The following PAPSS2 variants were observed in gnomAD, a reference collection of about 807,000 sequenced individuals.
PAPSS2 encodes the protein 3'-phosphoadenosine 5'-phosphosulfate synthase 2.
PAPSS2 carries 61 observed loss-of-function variants against 66.5 expected under a neutral mutation model. The ratio of observed to expected loss-of-function variants is 0.92; its 90% CI spans 0.75 to 1.14. The LOEUF (loss-of-function observed/expected upper bound fraction) is 1.14. PAPSS2 is among the 50% of genes most tolerant of loss of function. PAPSS2 has a pLI of 0.00. For synonymous variants in PAPSS2, 289 were observed against 287.5 expected (o/e 1.01, Z -0.05); for missense variants, 708 against 789.6 (o/e 0.90, Z 1.24).
At chr10:87,689,054 G>T (rs1447045739) in intron 1 of PAPSS2, among the ~76,000 whole-genome samples, 1 of 152,062 alleles carries the variant, frequency 6.6e-6, no homozygotes, top group African/African-American at 2.4e-5. Context: ...AGGGGTCAGG[G>T]CCGGGGCCAG....
At chr10:87,689,370 A>G (rs1292569479) in intron 1 of PAPSS2, among the ~76,000 whole-genome samples, 2 of 150,920 alleles carry the variant, frequency 1.3e-5, no homozygotes, top group African/African-American at 4.9e-5. Flanking sequence ...AAAAACCCAC[A>G]AAGAACTTGT....
chr10:87,719,499 C>T (rs1300987403), intron 7 of PAPSS2, among the ~76,000 whole-genome samples: 2 of 152,106 alleles, frequency 1.3e-5, no homozygotes, highest in South Asian at 4.1e-4. Context: ...GGCTCATGAC[C>T]GTAGTCCCAG....
chr10:87,661,583 A>T (rs1852753285), intron 1 of PAPSS2, among the ~76,000 whole-genome samples: 1 of 152,100 alleles, frequency 6.6e-6, no homozygotes. Flanking sequence ...TTTGTCAAGC[A>T]TTAGAAAGGG....
chr10:87,697,229 A>T (rs929164295), intron 1 of PAPSS2, among the ~76,000 whole-genome samples: 1 of 152,112 alleles, frequency 6.6e-6, no homozygotes, highest in East Asian at 1.9e-4. Context: ...CAAAAAACGA[A>T]CATGGTTATG....
intron 7 of PAPSS2, among the ~76,000 whole-genome samples, chr10:87,717,540 G>A (rs1416821639): frequency 6.6e-6 from 1 of 152,122 alleles, no homozygotes; most frequent in Non-Finnish European, 1.5e-5. Flanking sequence ...TATAGCTTTT[G>A]ATAGATTCTG....
intron 7 of PAPSS2, among the ~76,000 whole-genome samples, chr10:87,719,930 G>A (rs1449480444): frequency 6.6e-6 from 1 of 151,888 alleles, no homozygotes; most frequent in East Asian, 1.9e-4. Context: ...CTGTTGCCCA[G>A]GCTGGAGTGC....
At chr10:87,694,609 C>G (rs3781192) in intron 1 of PAPSS2, among the ~76,000 whole-genome samples, 6,774 of 152,210 alleles carry the variant, frequency 0.045, 300 homozygotes, top group African/African-American at 0.1. Flanking sequence ...CTGCTGAGAA[C>G]AAAAGTTCTG....
At chr10:87,671,972 G>A (rs971168909) in intron 1 of PAPSS2, among the ~76,000 whole-genome samples, 1 of 152,138 alleles carries the variant, frequency 6.6e-6, no homozygotes, top group Admixed American at 6.5e-5. Context: ...CTACCTCCCT[G>A]TATTATAGCG....
chr10:87,715,196 G>T, intron 6 of PAPSS2, 98 bp downstream of exon 6: 1 of 745,724 alleles, frequency 1.3e-6, no homozygotes, highest in East Asian at 2.7e-5. Flanking sequence ...TAAATAAGGT[G>T]CACATAATGT....
At chr10:87,711,876 G>A (rs775102608) in intron 2 of PAPSS2, among the ~76,000 whole-genome samples, 52 of 152,006 alleles carry the variant, frequency 3.4e-4, no homozygotes, top group African/African-American at 1.1e-3. Flanking sequence ...AGGTGCTGTC[G>A]GACAGAGGCT....
At chr10:87,701,615 G>A (rs1452979924) in intron 1 of PAPSS2, among the ~76,000 whole-genome samples, 1 of 151,972 alleles carries the variant, frequency 6.6e-6, no homozygotes, top group Non-Finnish European at 1.5e-5. Flanking sequence ...TCTAGAGATA[G>A]TATCTCACTA....
Position 87,660,003 on chromosome 10 carries a change from A to G in PAPSS2, c.22A>G (p.Lys8Glu), listed in dbSNP as rs774509356. MSGIKKQKTENQQKSTNV... is the reference protein window; with the variant it reads MSGIKKQETENQQKSTNV... ...CAGCATGTCGGGGATCAAGAAGCAAAAGACGGTAGGCTTCCAGGCGCCGGC... is the reference window on the plus strand; with the variant it reads ...CAGCATGTCGGGGATCAAGAAGCAAGAGACGGTAGGCTTCCAGGCGCCGGC... The change falls in exon 1 of 13, where the codon AAG becomes GAG. Residue 8 changes from lysine (K) to glutamate (E), a missense_variant. By Grantham distance (56) the Lys-to-Glu change is moderately conservative. Transcript: ENST00000456849. The G allele has an allele frequency of 6.2e-7, 1 of 1,612,934 alleles. No individual in the cohort carries two copies. Among genetic ancestry groups the G allele is most frequent in the Admixed American group, 1.7e-5 (1 of 59,980 alleles).
intron 1 of PAPSS2, among the ~76,000 whole-genome samples, chr10:87,704,764 C>T (rs1214693385): frequency 6.6e-6 from 1 of 152,146 alleles, no homozygotes; most frequent in Non-Finnish European, 1.5e-5. Context: ...GCCTCAGCCT[C>T]TCAAGTAGCT....
chr10:87,700,101 T>C (rs12267729), intron 1 of PAPSS2, among the ~76,000 whole-genome samples: 44,701 of 151,932 alleles, frequency 0.29, 6,793 homozygotes, highest in African/African-American at 0.38. Flanking sequence ...TTCTTACCTA[T>C]TAATCATATG....
chr10:87,663,788 C>T (rs552220285), intron 1 of PAPSS2, among the ~76,000 whole-genome samples: 2 of 152,298 alleles, frequency 1.3e-5, no homozygotes, highest in South Asian at 4.1e-4. Context: ...TTGCTCAGTG[C>T]CAGACCCAGA....
At position 87,745,923 on chromosome 10, in the gene PAPSS2, G is replaced by A. The variant is rs983074434; in HGVS notation, c.1813G>A (p.Ala605Thr). Residue 605 changes from alanine (A) to threonine (T), a missense_variant, in exon 13 of 13, where the codon GCA becomes ACA. Physicochemically the swap from Ala to Thr is moderately conservative, Grantham distance 58. Transcript: ENST00000456849. ...NPPDGFMAPK[A>T]WKVLTDYYRS... is the part of the protein sequence containing the mutation. ...CCCAGATGGCTTCATGGCCCCCAAA[G>A]CATGGAAGGTCCTGACAGATTATTA... is the stretch of plus-strand genomic sequence containing the variant. 7.4e-6 allele frequency: 12 copies of A among 1,613,942 alleles called. No homozygotes were observed. Among genetic ancestry groups the A allele is most frequent in the South Asian group, 1.1e-5 (1 of 91,080 alleles).
At position 87,701,327 on chromosome 10, in the gene PAPSS2, CCTTTCTTTCTTTCTTTCTTTCTTTCTTT is replaced by C. The variant is rs71019494; in HGVS notation, c.28-7826_28-7799del. ...TCCTTCCTTCCTTCCTTCCTTCCTTCCTTTCTTTCTTTCTTTCTTTCTTTCTTTCTTTCTTTCTTTCTTTCTTTCTTTC... is the reference window on the plus strand; with the variant it reads ...TCCTTCCTTCCTTCCTTCCTTCCTTCCTTTCTTTCTTTCTTTCTTTCTTTC... On this transcript the variant is annotated intron_variant, in intron 1 of 12. Transcript: ENST00000456849. Among the ~76,000 whole-genome samples the C allele has an allele frequency of 1.5e-4, 11 of 72,256 alleles. 1 individual carries two copies. The South Asian group carries it at 1.5e-3, about 10-fold the overall frequency. 47.4% of individuals were successfully genotyped at this position (72,256 alleles called of 152,430 possible). A position where few individuals can be genotyped will look rare whatever the true frequency, so the allele number is the denominator to read the frequency against.
At chr10:87,677,769 T>A (rs1464921555) in intron 1 of PAPSS2, among the ~76,000 whole-genome samples, 4 of 152,242 alleles carry the variant, frequency 2.6e-5, no homozygotes, top group Admixed American at 1.3e-4. Flanking sequence ...CAGCATCCAC[T>A]ATGTAAGATT....
chr10:87,702,573 A>G (rs1853331491), intron 1 of PAPSS2, among the ~76,000 whole-genome samples: 1 of 152,224 alleles, frequency 6.6e-6, no homozygotes, highest in Admixed American at 6.5e-5. Context: ...GCAAGGGAGC[A>G]ATGAAAGCAG....
Sources: allele counts gnomAD v4.1 joint callset (sites outside exome capture counted in the v4.1 genomes callset), GRCh38; gene constraint gnomAD v4.1.1; transcripts MANE v1.5; gene names NCBI Gene and HGNC (gene_info 2026-07-23, HGNC 2026-07-21).